Variants in ARHGAP22 observed in about 807,000 individuals in gnomAD.
ARHGAP22 encodes rho GTPase-activating protein 22.
Under a neutral mutation model 59.1 loss-of-function variants are expected in ARHGAP22, and 48 were observed. The ratio of observed to expected loss-of-function variants is 0.81; its 90% confidence interval spans 0.64 to 1.03. The LOEUF (loss-of-function observed/expected upper bound fraction) is 1.03, where lower values mean the gene tolerates loss of function less well. Among genes scored for constraint, ARHGAP22 ranks in the 50% least tolerant of loss-of-function variants. The probability of loss-of-function intolerance (pLI) is 0.00; values close to 1 mark genes in which losing one functional copy is unlikely to be tolerated. For missense variants in ARHGAP22, 1,015 were observed against 958.7 expected, an observed-to-expected ratio of 1.06 and a Z score of -0.78; for synonymous variants, 445 against 416.4, an observed-to-expected ratio of 1.07 and a Z score of -0.84.
At chr10:48,437,027 A>C in the ARHGAP22 span, 3 of 152,174 alleles carry the variant, frequency 2.0e-5, no homozygotes, top group Non-Finnish European at 4.4e-5. Flanking sequence ...CTCATATTTT[A>C]TGTTTGATTG....
chr10:48,528,035 C>G (rs1462795976), intron 3 of ARHGAP22, among the ~76,000 whole-genome samples: 2 of 152,180 alleles, frequency 1.3e-5, no homozygotes, highest in East Asian at 3.9e-4. Flanking sequence ...AGCTCTACTT[C>G]CTGCCACTTT....
At chr10:48,628,478 T>C (rs1202336013) in intron 1 of ARHGAP22, among the ~76,000 whole-genome samples, 2 of 152,072 alleles carry the variant, frequency 1.3e-5, no homozygotes, top group Admixed American at 1.3e-4. Context: ...CCTGTCTGTT[T>C]CCATAGCAAG....
At chr10:48,545,730 C>A (rs1227054118) in intron 3 of ARHGAP22, among the ~76,000 whole-genome samples, 2 of 152,190 alleles carry the variant, frequency 1.3e-5, no homozygotes, top group African/African-American at 4.8e-5. Flanking sequence ...AGACAGCAGG[C>A]AGCAGTCTCC....
chr10:48,505,803 A>G (rs2052058326), intron 3 of ARHGAP22, among the ~76,000 whole-genome samples: 1 of 152,164 alleles, frequency 6.6e-6, no homozygotes, highest in African/African-American at 2.4e-5. Context: ...CAAGGCCTGT[A>G]AGGAGCCTGT....
chr10:48,501,855 A>G (rs1052903800), intron 3 of ARHGAP22, among the ~76,000 whole-genome samples: 4 of 152,158 alleles, frequency 2.6e-5, no homozygotes, highest in African/African-American at 7.2e-5. Context: ...CTGCATGCCT[A>G]TTTCTGGAAG....
chr10:48,608,930 T>C (rs1369303027), upstream of ARHGAP22, among the ~76,000 whole-genome samples: 3 of 152,236 alleles, frequency 2.0e-5, no homozygotes, highest in Admixed American at 6.5e-5. Context: ...CTTCAGGTAA[T>C]TGACATCTAT....
At chr10:48,500,751 C>T (rs557143218) in intron 3 of ARHGAP22, among the ~76,000 whole-genome samples, 1 of 151,896 alleles carries the variant, frequency 6.6e-6, no homozygotes, top group South Asian at 2.1e-4. Context: ...ATTAGCTGGG[C>T]GTGGTGGCGG....
intron 4 of ARHGAP22, among the ~76,000 whole-genome samples, chr10:48,461,090 T>C (rs750024098): frequency 1.1e-4 from 16 of 152,180 alleles, no homozygotes; most frequent in Non-Finnish European, 2.2e-4. Flanking sequence ...GAAATGAATG[T>C]AATGCTGCTG....
intron 1 of ARHGAP22, among the ~76,000 whole-genome samples, chr10:48,584,368 C>G (rs2059294691): frequency 6.6e-6 from 1 of 152,212 alleles, no homozygotes; most frequent in South Asian, 2.1e-4. Context: ...CTGGCATTAG[C>G]TGCATGGTGA....
At chr10:48,566,307 C>A (rs1191208719) in intron 2 of ARHGAP22, among the ~76,000 whole-genome samples, 1 of 152,092 alleles carries the variant, frequency 6.6e-6, no homozygotes, top group East Asian at 1.9e-4. Flanking sequence ...CACCTGACAC[C>A]CAACCAGGAA....
At chr10:48,509,672 C>T (rs2052549892) in intron 3 of ARHGAP22, among the ~76,000 whole-genome samples, 1 of 152,088 alleles carries the variant, frequency 6.6e-6, no homozygotes. Flanking sequence ...CCCGCACAGC[C>T]CCATCCTCCC....
intron 4 of ARHGAP22, among the ~76,000 whole-genome samples, chr10:48,471,968 G>T (rs2048270120): frequency 6.6e-6 from 1 of 152,206 alleles, no homozygotes; most frequent in Admixed American, 6.5e-5. Flanking sequence ...CAGCACTTTG[G>T]GAGGCCGAGG....
chr10:48,484,519 T>G (rs1487737262), intron 3 of ARHGAP22, among the ~76,000 whole-genome samples: 1 of 152,236 alleles, frequency 6.6e-6, no homozygotes, highest in African/African-American at 2.4e-5. Flanking sequence ...AATATTCCCT[T>G]GTTTTCAAAC....
At chr10:48,472,215 GA>G (rs1040750943) in intron 4 of ARHGAP22, among the ~76,000 whole-genome samples, 2 of 143,602 alleles carry the variant, frequency 1.4e-5, no homozygotes, top group Admixed American at 7.0e-5. Flanking sequence ...CTCAAAAAAA[GA>G]AAAAAAAGAA....
chr10:48,466,269 G>GC (rs5784760), intron 4 of ARHGAP22, among the ~76,000 whole-genome samples: 51 of 150,760 alleles, frequency 3.4e-4, no homozygotes, highest in Middle Eastern at 3.4e-3. Flanking sequence ...AAGTCCCTGC[G>GC]CCCCCCCCCA....
intron 4 of ARHGAP22, among the ~76,000 whole-genome samples, chr10:48,474,720 A>G (rs191090411): frequency 5.9e-5 from 9 of 152,206 alleles, no homozygotes; most frequent in South Asian, 2.1e-4. Flanking sequence ...TAAGACGGTC[A>G]TGTGTTTTTG....
intron 2 of ARHGAP22, among the ~76,000 whole-genome samples, chr10:48,566,581 C>T (rs2058057473): frequency 6.6e-6 from 1 of 152,230 alleles, no homozygotes; most frequent in Admixed American, 6.5e-5. Context: ...CTTCTTCCAA[C>T]AGATTCCGCA....
At chr10:48,544,682 A>C (rs1013612664) in intron 3 of ARHGAP22, among the ~76,000 whole-genome samples, 44 of 152,264 alleles carry the variant, frequency 2.9e-4, no homozygotes, top group African/African-American at 1.1e-3. Flanking sequence ...CATTTTATGA[A>C]ATCTAAATGC....
intron 3 of ARHGAP22, among the ~76,000 whole-genome samples, chr10:48,544,265 G>GGGAT (rs2056232620): frequency 6.6e-6 from 1 of 152,212 alleles, no homozygotes; most frequent in Non-Finnish European, 1.5e-5. Context: ...TGAAGCCCAT[G>GGGAT]GGATTTAAGT....
Sources: allele counts gnomAD v4.1 joint callset (sites outside exome capture counted in the v4.1 genomes callset), GRCh38; gene constraint gnomAD v4.1.1; transcripts MANE v1.5; gene names NCBI Gene and HGNC (gene_info 2026-07-23, HGNC 2026-07-21).